The following TNFSF11 variants were observed in gnomAD, a reference collection of about 807,000 sequenced individuals.
The protein encoded by TNFSF11 is TNF superfamily member 11.
In TNFSF11, 12 loss-of-function variants were observed where a neutral mutation model predicts 32.2. The ratio of observed to expected loss-of-function variants is 0.37; its 90% CI spans 0.24 to 0.60. The LOEUF is 0.60. TNFSF11 is among the 20% of genes least tolerant of loss of function. The pLI is 0.66. For missense variants in TNFSF11, 345 were observed against 398.0 expected (o/e 0.87, Z 1.13); for synonymous variants, 172 against 152.1 (o/e 1.13, Z -0.96).
rs1177480496 is a variant in TNFSF11, at chr13:42,581,303, C to T, written c.387+10C>T. ...AGGAGCTGTGCAAAAGGTAAGTCCA[C>T]ATCGAGGCTGATAAGTCAAGGGCCC... is the stretch of plus-strand genomic sequence containing the variant. On this transcript the variant is annotated intron_variant, in intron 2 of 4. Coordinates refer to ENST00000398795, the MANE Select transcript of TNFSF11 (RefSeq NM_003701.4). 6.2e-7 allele frequency: 1 copy of T among 1,613,946 alleles called. No homozygotes were observed. Among genetic ancestry groups the T allele is most frequent in the Admixed American group, 1.7e-5 (1 of 60,020 alleles).
upstream of TNFSF11, among the ~76,000 whole-genome samples, chr13:42,570,218 C>T (rs1240020989): frequency 6.6e-6 from 1 of 152,200 alleles, no homozygotes; most frequent in East Asian, 1.9e-4. Flanking sequence ...CTCATATCTG[C>T]ACTTTAATTT....
intron 2 of TNFSF11, among the ~76,000 whole-genome samples, chr13:42,582,312 A>G (rs1296946271): frequency 6.6e-6 from 1 of 152,248 alleles, no homozygotes; most frequent in Non-Finnish European, 1.5e-5. Context: ...GAACGTCTGT[A>G]ATACCATCAG....
chr13:42,568,353 G>A (rs1446269397), intron 2 of TNFSF11, among the ~76,000 whole-genome samples: 1 of 152,166 alleles, frequency 6.6e-6, no homozygotes, highest in Non-Finnish European at 1.5e-5. Flanking sequence ...CTGCCTGCAG[G>A]TTGTAATTCC....
chr13:42,574,121 GT>G (rs1206844101), upstream of TNFSF11: 2 of 733,860 alleles, frequency 2.7e-6, no homozygotes, highest in South Asian at 1.8e-5. Flanking sequence ...TCTCCAAGCG[GT>G]TTATAAGAGT....
At chr13:42,588,027 C>G (rs950718471) in intron 2 of TNFSF11, among the ~76,000 whole-genome samples, 1 of 152,150 alleles carries the variant, frequency 6.6e-6, no homozygotes, top group African/African-American at 2.4e-5. Context: ...TCTCATAAAC[C>G]CACAAGGGTA....
chr13:42,588,230 G>A (rs1873992685), intron 2 of TNFSF11, among the ~76,000 whole-genome samples: 1 of 152,236 alleles, frequency 6.6e-6, no homozygotes, highest in Non-Finnish European at 1.5e-5. Context: ...ACAAAACCAA[G>A]GCCATCTATT....
chr13:42,573,085 T>C (rs1053348097), upstream of TNFSF11, among the ~76,000 whole-genome samples: 8 of 152,172 alleles, frequency 5.3e-5, no homozygotes, highest in African/African-American at 1.4e-4. Context: ...GTAAATGCTA[T>C]GTAACTAGTT....
upstream of TNFSF11, among the ~76,000 whole-genome samples, chr13:42,570,341 A>G (rs2137846296): frequency 6.6e-6 from 1 of 152,336 alleles, no homozygotes; most frequent in Middle Eastern, 3.4e-3. Context: ...GTATCCAACC[A>G]TTCCTGAAGC....
chr13:42,590,075 T>C (rs1314558525), intron 2 of TNFSF11, among the ~76,000 whole-genome samples: 1 of 152,248 alleles, frequency 6.6e-6, no homozygotes, highest in Non-Finnish European at 1.5e-5. Flanking sequence ...GTGAACTGGC[T>C]CACTTGAATG....
intron 2 of TNFSF11, among the ~76,000 whole-genome samples, chr13:42,587,440 G>A (rs899183864): frequency 1.3e-5 from 2 of 152,192 alleles, no homozygotes; most frequent in Non-Finnish European, 2.9e-5. Flanking sequence ...ATTTAGGTAG[G>A]AAGGAGGACT....
chr13:42,569,713 T>A (rs1424943550), upstream of TNFSF11, among the ~76,000 whole-genome samples: 2 of 152,072 alleles, frequency 1.3e-5, no homozygotes, highest in Non-Finnish European at 2.9e-5. Flanking sequence ...AGAAGATGGA[T>A]CCTCTCCGGA....
intron 2 of TNFSF11, among the ~76,000 whole-genome samples, chr13:42,595,080 C>G (rs1192130215): frequency 1.3e-5 from 2 of 151,962 alleles, no homozygotes; most frequent in Non-Finnish European, 2.9e-5. Flanking sequence ...GTGAAATATC[C>G]TCATCTCTAT....
intron 2 of TNFSF11, among the ~76,000 whole-genome samples, chr13:42,594,828 G>A (rs1024320661): frequency 6.6e-6 from 1 of 152,192 alleles, no homozygotes; most frequent in African/African-American, 2.4e-5. Flanking sequence ...TTGAGTTCAG[G>A]AGAGGCAGTA....
upstream of TNFSF11, among the ~76,000 whole-genome samples, chr13:42,569,958 T>A (rs1375348605): frequency 6.6e-6 from 1 of 152,058 alleles, no homozygotes; most frequent in Non-Finnish European, 1.5e-5. Flanking sequence ...AATAATTTTA[T>A]AAAAGTATTA....
chr13:42,590,968 C>T (rs777431626), intron 2 of TNFSF11, among the ~76,000 whole-genome samples: 7 of 152,220 alleles, frequency 4.6e-5, no homozygotes, highest in African/African-American at 1.2e-4. Flanking sequence ...TTTGCAAAAA[C>T]GAGTCTCTTC....
chr13:42,600,818 C>T, intron 3 of TNFSF11, 21 bp downstream of exon 3: 1 of 1,613,890 alleles, frequency 6.2e-7, no homozygotes, highest in South Asian at 1.1e-5. Flanking sequence ...ATCCATACAT[C>T]TGTATGAAAT....
chr13:42,574,318 CAG>C lies in TNFSF11; in HGVS notation c.19_20del (p.Asp7LeufsTer70). ...GGCCGAGCGCCATGCGCCGCGCCAGCAGAGACTACACCAAGTACCTGCGTGGC... is the reference window on the plus strand; with the variant it reads ...GGCCGAGCGCCATGCGCCGCGCCAGCAGACTACACCAAGTACCTGCGTGGC... MRRAS[R>X]DYTKYLRGSE... On this transcript the variant is annotated frameshift_variant, in exon 1 of 5. Coordinates refer to ENST00000398795, the MANE Select transcript of TNFSF11 (RefSeq NM_003701.4). LOFTEE classifies it high-confidence loss of function. 6.5e-7 allele frequency: 1 copy of C among 1,547,112 alleles called. No homozygotes were observed. The highest frequency in any genetic ancestry group is 8.7e-7 in the Non-Finnish European group (1 of 1,146,324).
intron 1 of TNFSF11, among the ~76,000 whole-genome samples, chr13:42,580,909 A>G (rs1330748537): frequency 6.6e-6 from 1 of 152,216 alleles, no homozygotes; most frequent in Non-Finnish European, 1.5e-5. Context: ...TCGCAGGACT[A>G]ACTGTGCCTT....
At chr13:42,590,825 G>A (rs1868422140) in intron 2 of TNFSF11, among the ~76,000 whole-genome samples, 1 of 152,212 alleles carries the variant, frequency 6.6e-6, no homozygotes, top group Non-Finnish European at 1.5e-5. Context: ...TTTAAACCAT[G>A]AAGGTTAAAC....
Sources: gnomAD v4.1 joint callset for allele counts (sites outside exome capture counted in the v4.1 genomes callset) on GRCh38, gnomAD v4.1.1 for gene constraint, MANE v1.5 for transcripts, NCBI Gene and HGNC (gene_info 2026-07-23, HGNC 2026-07-21) for gene names.